The following DEPDC4 variants were observed in gnomAD, a reference collection of about 807,000 sequenced individuals.
DEPDC4 encodes DEP domain-containing protein 4.
In DEPDC4, 52 loss-of-function variants were observed where a neutral mutation model predicts 52.0. The ratio of observed to expected loss-of-function variants is 1.00; its 90% CI spans 0.80 to 1.26. The LOEUF (loss-of-function observed/expected upper bound fraction) is 1.26, where lower values mean the gene tolerates loss of function less well. Ranked by LOEUF, DEPDC4 falls within the 50% of genes most tolerant of loss-of-function variation. DEPDC4 has a pLI of 0.00. For synonymous variants in DEPDC4, 201 were observed against 196.8 expected, an observed-to-expected ratio of 1.02 and a Z score of -0.18; for missense variants, 530 against 546.9, an observed-to-expected ratio of 0.97 and a Z score of 0.31.
At chr12:100,268,701 A>C (rs1427016720), upstream of DEPDC4, among the ~76,000 whole-genome samples, 1 of 152,158 alleles carries the variant, frequency 6.6e-6, no homozygotes, top group African/African-American at 2.4e-5. Flanking sequence ...AGACAGATCA[A>C]CCCTGTTACT....
chr12:100,266,800 G>T (rs1287999772), intron 1 of DEPDC4, 120 bp downstream of exon 1: 3 of 1,332,646 alleles, frequency 2.3e-6, no homozygotes, highest in Non-Finnish European at 3.1e-6. Context: ...GGCAGGAAGG[G>T]GGCGGGGCTA....
the DEPDC4 span, among the ~76,000 whole-genome samples, chr12:100,280,096 T>C: frequency 6.6e-5 from 10 of 152,212 alleles, no homozygotes; most frequent in Admixed American, 1.3e-4. Context: ...TTCTCTTTCT[T>C]ACTGGGGTCA....
At chr12:100,255,693 C>T (rs865848053) in intron 4 of DEPDC4, among the ~76,000 whole-genome samples, 3 of 152,160 alleles carry the variant, frequency 2.0e-5, no homozygotes, top group South Asian at 2.1e-4. Flanking sequence ...TCATGTATGT[C>T]TCCCCCTTCT....
At position 100,262,407 on chromosome 12, in the gene DEPDC4, G is replaced by C; in HGVS notation, c.557C>G (p.Pro186Arg). Residue 186 changes from proline to arginine, a missense_variant and splice_region_variant, in exon 3 of 10, where the codon CCA becomes CGA. By Grantham distance (103) the Pro-to-Arg change is moderately radical. Coordinates refer to ENST00000550587, the MANE Select transcript of DEPDC4 (RefSeq NM_001364818.2). ...AENEFNETLR[P>R]GYEMISNPLA... ...AGGATTTGAAATCATTTCATATCCTGGTCTGTTAAAAAATAATACGTGGCT... is the reference window on the plus strand; with the variant it reads ...AGGATTTGAAATCATTTCATATCCTCGTCTGTTAAAAAATAATACGTGGCT... The C allele has an allele frequency of 6.3e-7, 1 of 1,593,716 alleles. No homozygotes were observed. Among genetic ancestry groups the C allele is most frequent in the Non-Finnish European group, 8.5e-7 (1 of 1,174,852 alleles).
the DEPDC4 span, among the ~76,000 whole-genome samples, chr12:100,277,318 C>G: frequency 6.6e-6 from 1 of 152,196 alleles, no homozygotes; most frequent in African/African-American, 2.4e-5. Flanking sequence ...TGATTTTTCT[C>G]TCTGCTTCGT....
At chr12:100,255,611 C>T (rs60490219) in intron 4 of DEPDC4, among the ~76,000 whole-genome samples, 4,153 of 152,270 alleles carry the variant, frequency 0.027, 70 homozygotes, top group Middle Eastern at 0.048. Flanking sequence ...ATTCAGGGTT[C>T]CTTTAATCTC....
intron 1 of DEPDC4, among the ~76,000 whole-genome samples, chr12:100,266,390 G>T (rs1343290667): frequency 1.3e-5 from 2 of 152,190 alleles, no homozygotes; most frequent in Non-Finnish European, 2.9e-5. Flanking sequence ...AGTGATGGGC[G>T]GAGGTGGGCA....
the DEPDC4 span, among the ~76,000 whole-genome samples, chr12:100,281,036 T>TTTTTTTTTTTTTG: frequency 7.3e-6 from 1 of 136,722 alleles, no homozygotes; most frequent in African/African-American, 2.8e-5. Flanking sequence ...TTTTTTTTTT[T>TTTTTTTTTTTTTG]TTTTTTTTTT....
chr12:100,267,062 CT>C lies in DEPDC4; in HGVS notation c.14del (p.Glu5GlyfsTer12). 1.2e-6 allele frequency: 2 copies of C among 1,613,546 alleles called. No individual in the cohort carries two copies. Among genetic ancestry groups the C allele is most frequent in the Non-Finnish European group, 1.7e-6 (2 of 1,179,738 alleles). ...CCGCCATAAGCTCGCGCGCTGGCTC[CT>C]CCCCTGGCACCATAGCCCCGCCCCA... MVPG[E>X]EPARELMAVL... On this transcript the variant is annotated frameshift_variant, in exon 1 of 10. Coordinates refer to ENST00000550587, the MANE Select transcript of DEPDC4 (RefSeq NM_001364818.2). LOFTEE classifies it high-confidence loss of function.
intron 8 of DEPDC4, among the ~76,000 whole-genome samples, chr12:100,244,056 G>A (rs1457208937): frequency 4.5e-5 from 6 of 132,056 alleles, no homozygotes; most frequent in Non-Finnish European, 9.4e-5. Context: ...ACTTAGCACA[G>A]GCAGAGGTGT....
chr12:100,253,002 C>T (rs1241837565), intron 5 of DEPDC4, among the ~76,000 whole-genome samples: 2 of 152,060 alleles, frequency 1.3e-5, no homozygotes, highest in Non-Finnish European at 2.9e-5. Flanking sequence ...CTACAAGCTC[C>T]GCCTCCCGAG....
chr12:100,238,183 T>C, downstream of DEPDC4: 1 of 315,174 alleles, frequency 3.2e-6, no homozygotes, highest in Non-Finnish European at 4.5e-6. Context: ...TTGGGTTGCT[T>C]TTTTTTTTTT....
In DEPDC4 at chr12:100,252,397, T is replaced by C. The variant is rs2096211774; in HGVS notation, c.1245A>G (p.Lys415=). The C allele has an allele frequency of 1.2e-5, 18 of 1,552,008 alleles. No homozygotes were observed. Among genetic ancestry groups the C allele is most frequent in the Non-Finnish European group, 1.5e-5 (17 of 1,157,504 alleles). The part of the protein sequence containing the change: ...ASEPNAYKLQ[K]QYDNKTVVLK... ...AACTTATTGCAAAATTTTTCACCTG[T>C]TTTTGCAACTTGTAGGCATTGGGCT... is the stretch of plus-strand genomic sequence containing the variant. Residue 415 remains lysine (K), a synonymous_variant, in exon 6 of 10, where the codon AAA becomes AAG. Transcript: ENST00000550587.
chr12:100,266,976 A>G lies in DEPDC4; in HGVS notation c.101T>C (p.Leu34Pro). ...VSQNELPGPG[L>P]NGPSSRNRRD... ...ACGGTTCCTGGAACTTGGCCCGTTC[A>G]GCCCTGGGCCCGGAAGCTCGTTCTG... The change falls in exon 1 of 10, where the codon CTG becomes CCG. Residue 34 changes from leucine (L) to proline (P), a missense_variant. Physicochemically the swap from Leu to Pro is moderately conservative, Grantham distance 98. Coordinates refer to ENST00000550587, the MANE Select transcript of DEPDC4 (RefSeq NM_001364818.2). The G allele has an allele frequency of 6.2e-7, 1 of 1,614,070 alleles. No individual in the cohort carries two copies. Among genetic ancestry groups the G allele is most frequent in the Non-Finnish European group, 8.5e-7 (1 of 1,179,980 alleles).
downstream of DEPDC4, among the ~76,000 whole-genome samples, chr12:100,239,467 C>G (rs528441553): frequency 6.6e-6 from 1 of 152,158 alleles, no homozygotes; most frequent in African/African-American, 2.4e-5. Context: ...CCTTGAACTC[C>G]TTGGCTCACG....
At chr12:100,232,622 G>A (rs1167836675) in intron 9 of DEPDC4, among the ~76,000 whole-genome samples, 3 of 151,970 alleles carry the variant, frequency 2.0e-5, no homozygotes, top group Non-Finnish European at 2.9e-5. Flanking sequence ...GGTGGCTCAC[G>A]CCTGTAATCC....
chr12:100,258,303 C>A (rs543475042), intron 3 of DEPDC4, among the ~76,000 whole-genome samples: 1 of 151,818 alleles, frequency 6.6e-6, no homozygotes, highest in African/African-American at 2.4e-5. Context: ...AAAAAAATCC[C>A]AAAAACATGA....
At chr12:100,256,851 T>C (rs565869522) in intron 3 of DEPDC4, among the ~76,000 whole-genome samples, 50 of 151,870 alleles carry the variant, frequency 3.3e-4, no homozygotes, top group East Asian at 2.5e-3. Context: ...CCGTGTTAGC[T>C]AGGATGGTCT....
chr12:100,257,444 T>C (rs2096238408), intron 3 of DEPDC4, among the ~76,000 whole-genome samples: 1 of 152,024 alleles, frequency 6.6e-6, no homozygotes, highest in Non-Finnish European at 1.5e-5. Context: ...TGGAGTGCAA[T>C]GGCACACCAC....
Sources: gnomAD v4.1 joint callset for allele counts (sites outside exome capture counted in the v4.1 genomes callset) on GRCh38, gnomAD v4.1.1 for gene constraint, MANE v1.5 for transcripts, NCBI Gene and HGNC (gene_info 2026-07-23, HGNC 2026-07-21) for gene names.